The following CDH8 variants were observed in gnomAD, a reference collection of about 807,000 sequenced individuals.
CDH8 encodes the protein cadherin 8, also known as cadherin-8.
Under a neutral mutation model 68.1 loss-of-function variants are expected in CDH8, and 17 were observed. The observed-to-expected ratio is 0.25, with a 90% CI of 0.17 to 0.37. CDH8 has a LOEUF of 0.37. Ranked by LOEUF, CDH8 falls within the 10% of genes least tolerant of loss-of-function variation. CDH8 has a pLI of 1.00. For missense variants in CDH8, 763 were observed against 999.3 expected (o/e 0.76, Z 3.19); for synonymous variants, 372 against 365.1 (o/e 1.02, Z -0.21).
At chr16:61,862,008 T>C (rs990625312) in intron 3 of CDH8, among the ~76,000 whole-genome samples, 1 of 152,148 alleles carries the variant, frequency 6.6e-6, no homozygotes, top group East Asian at 1.9e-4. Context: ...GCTTTGACAA[T>C]AGATTTCATT....
At chr16:61,693,561 C>A (rs1426176882) in intron 10 of CDH8, 1 of 152,016 alleles carries the variant, frequency 6.6e-6, no homozygotes, top group East Asian at 1.9e-4. Flanking sequence ...TAAGATGGCA[C>A]CTCATAGAGG....
intron 7 of CDH8, among the ~76,000 whole-genome samples, chr16:61,807,540 C>CA (rs1487489315): frequency 2.0e-5 from 3 of 152,198 alleles, no homozygotes; most frequent in Middle Eastern, 3.4e-3. Flanking sequence ...AAAATTACTT[C>CA]ATTACTACAG....
intron 3 of CDH8, among the ~76,000 whole-genome samples, chr16:61,876,543 T>TA (rs1217472800): frequency 1.2e-4 from 18 of 152,234 alleles, no homozygotes; most frequent in Middle Eastern, 3.4e-3. Flanking sequence ...CCTTGGAAAC[T>TA]AGGTCTAAGC....
intron 4 of CDH8, among the ~76,000 whole-genome samples, chr16:61,843,226 G>A (rs1013245033): frequency 6.6e-5 from 10 of 152,038 alleles, no homozygotes; most frequent in South Asian, 2.1e-4. Context: ...AATGTCTTAC[G>A]TTACCAACAA....
intron 8 of CDH8, among the ~76,000 whole-genome samples, chr16:61,747,949 C>T (rs1224034369): frequency 1.3e-5 from 2 of 151,966 alleles, no homozygotes; most frequent in East Asian, 3.9e-4. Flanking sequence ...AATTTATTTT[C>T]ATATATTGTC....
intron 8 of CDH8, among the ~76,000 whole-genome samples, chr16:61,765,667 T>G (rs1170682244): frequency 3.9e-5 from 6 of 152,042 alleles, no homozygotes; most frequent in African/African-American, 1.4e-4. Context: ...TGTTTTAAAA[T>G]ATGAAACTAA....
intron 1 of CDH8, among the ~76,000 whole-genome samples, chr16:62,035,681 C>T (rs965506766): frequency 1.3e-5 from 2 of 152,156 alleles, no homozygotes. Context: ...GCTGCAGGTG[C>T]TTCCCATTCA....
At chr16:61,685,021 A>G (rs1476653191) in intron 10 of CDH8, among the ~76,000 whole-genome samples, 1 of 151,894 alleles carries the variant, frequency 6.6e-6, no homozygotes, top group Non-Finnish European at 1.5e-5. Flanking sequence ...GGTTTTTAGC[A>G]TCTTCCATCA....
chr16:61,695,105 G>C (rs1964301771), intron 10 of CDH8, among the ~76,000 whole-genome samples: 1 of 151,674 alleles, frequency 6.6e-6, no homozygotes, highest in South Asian at 2.1e-4. Context: ...TTTTTTAGTG[G>C]AATACTTCTG....
intron 2 of CDH8, among the ~76,000 whole-genome samples, chr16:61,949,471 C>T (rs1450569270): frequency 1.3e-5 from 2 of 152,052 alleles, no homozygotes; most frequent in Non-Finnish European, 2.9e-5. Flanking sequence ...GGTCCCCTTC[C>T]ACACTGTGGA....
intron 9 of CDH8, chr16:61,726,767 T>C (rs1959383289): frequency 2.7e-6 from 1 of 376,628 alleles, no homozygotes; most frequent in East Asian, 3.8e-5. Context: ...TTGCTTCTTG[T>C]CATTTGAAAG....
intron 10 of CDH8, among the ~76,000 whole-genome samples, chr16:61,679,780 T>C (rs1461658732): frequency 6.6e-6 from 1 of 151,980 alleles, no homozygotes; most frequent in African/African-American, 2.4e-5. Flanking sequence ...TGGCTCTAGT[T>C]TGTTCCATTC....
chr16:61,913,610 T>C (rs1597060805), intron 2 of CDH8, among the ~76,000 whole-genome samples: 1 of 152,234 alleles, frequency 6.6e-6, no homozygotes, highest in Middle Eastern at 3.4e-3. Context: ...GTGTGGTGTG[T>C]TTGTGTGTGT....
At position 61,765,955 on chromosome 16, in the gene CDH8, C is replaced by T. The variant is rs555531776; in HGVS notation, c.1414+23391G>A. 9.2e-5 allele frequency among the ~76,000 whole-genome samples: 14 copies of T among 152,042 alleles called. No homozygotes were observed. The East Asian group carries it at 2.7e-3, about 29-fold the overall frequency. On this transcript the variant is annotated intron_variant, in intron 8 of 11. Transcript: ENST00000577390. ...TCAGTGACCTTGAGGTAACCATTTCCTCTCTGCATATTTCAATTTTATTTA... is the reference window on the plus strand; with the variant it reads ...TCAGTGACCTTGAGGTAACCATTTCTTCTCTGCATATTTCAATTTTATTTA...
intron 3 of CDH8, among the ~76,000 whole-genome samples, chr16:61,871,112 A>AT (rs1465335480): frequency 6.6e-6 from 1 of 151,996 alleles, no homozygotes; most frequent in Non-Finnish European, 1.5e-5. Context: ...CACCCCAATA[A>AT]TTAGTCCAGC....
chr16:61,924,667 A>G (rs1964428922), intron 2 of CDH8, among the ~76,000 whole-genome samples: 1 of 151,360 alleles, frequency 6.6e-6, no homozygotes, highest in South Asian at 2.1e-4. Context: ...GAAGAAATGA[A>G]TATTAGTTTC....
chr16:61,749,165 T>C (rs1960097068), intron 8 of CDH8, among the ~76,000 whole-genome samples: 1 of 151,994 alleles, frequency 6.6e-6, no homozygotes, highest in Non-Finnish European at 1.5e-5. Context: ...TTGACATCAT[T>C]TGATTCAATA....
At chr16:61,864,646 G>C (rs1044272048) in intron 3 of CDH8, among the ~76,000 whole-genome samples, 5 of 152,128 alleles carry the variant, frequency 3.3e-5, no homozygotes, top group African/African-American at 1.2e-4. Context: ...TTTGCAGGGG[G>C]AGGAGGATTA....
intron 4 of CDH8, among the ~76,000 whole-genome samples, chr16:61,846,116 T>C (rs909300996): frequency 6.6e-6 from 1 of 152,108 alleles, no homozygotes; most frequent in African/African-American, 2.4e-5. Flanking sequence ...TGAATTCCTG[T>C]ACCCAACATT....
Sources: allele counts gnomAD v4.1 joint callset (sites outside exome capture counted in the v4.1 genomes callset), GRCh38; gene constraint gnomAD v4.1.1; transcripts MANE v1.5; gene names NCBI Gene and HGNC (gene_info 2026-07-23, HGNC 2026-07-21).